The following MX1 variants were observed in gnomAD, a reference collection of about 807,000 sequenced individuals.
MX1 encodes MX dynamin like GTPase 1.
A neutral mutation model predicts 66.4 loss-of-function variants in MX1; 66 were observed. The ratio of observed to expected loss-of-function variants is 0.99; its 90% confidence interval spans 0.82 to 1.22. The LOEUF (loss-of-function observed/expected upper bound fraction) is 1.22, where lower values mean the gene tolerates loss of function less well. Among genes scored for constraint, MX1 ranks in the 50% most tolerant of loss-of-function variants. The probability of loss-of-function intolerance (pLI) is 0.00; values close to 1 mark genes in which losing one functional copy is unlikely to be tolerated. For synonymous variants in MX1, 311 were observed against 318.1 expected, an observed-to-expected ratio of 0.98 and a Z score of 0.24; for missense variants, 787 against 834.3, an observed-to-expected ratio of 0.94 and a Z score of 0.70.
intron 8 of MX1, 117 bp from the exon 9 acceptor site, chr21:41,440,770 T>G: frequency 1.6e-6 from 2 of 1,216,844 alleles, no homozygotes; most frequent in Middle Eastern, 2.3e-4. Context: ...GTTACTTCTT[T>G]TGGGGGAAAT....
In MX1 at chr21:41,458,722, G is replaced by A. The variant is rs1265036605; in HGVS notation, c.1953G>A (p.Thr651=). 6.2e-6 allele frequency: 10 copies of A among 1,613,652 alleles called. No homozygotes were observed. Among genetic ancestry groups the A allele is most frequent in the African/African-American group, 2.7e-5 (2 of 75,072 alleles). Residue 651 remains threonine (T), a synonymous_variant, in exon 17 of 17, where the codon ACG becomes ACA. Coordinates refer to ENST00000398598, the MANE Select transcript of MX1 (RefSeq NM_002462.5). Reference sequence around the variant, plus strand: ...TGAAGGAGCGGCTTGCACGGCTGACGCAGGCTCGGCGCCGGCTTGCCCAGT... The same window carrying A: ...TGAAGGAGCGGCTTGCACGGCTGACACAGGCTCGGCGCCGGCTTGCCCAGT... The part of the protein sequence containing the change: ...KFLKERLARL[T]QARRRLAQFP...
In MX1 at chr21:41,447,330, C is replaced by G. The variant is rs147475259; in HGVS notation, c.1273+1189C>G. Among the ~76,000 whole-genome samples the G allele has an allele frequency of 7.4e-3, 1,126 of 152,276 alleles. 18 individuals carry two copies. The highest frequency in any genetic ancestry group is 0.025 in the African/African-American group (1,025 of 41,558). On this transcript the variant is annotated intron_variant, in intron 13 of 16. Transcript: ENST00000398598. ...AATTTAATTACCTCTTTGCCTGTCT[C>G]CAAACACAGTCAGATTCTGAGTTTC...
intron 16 of MX1, among the ~76,000 whole-genome samples, chr21:41,455,691 A>G (rs1342106275): frequency 2.0e-5 from 3 of 152,066 alleles, no homozygotes; most frequent in African/African-American, 7.2e-5. Context: ...TACCTGGGAG[A>G]TTGTTCTGCC....
At chr21:41,433,763 G>A (rs2090287414) in intron 5 of MX1, among the ~76,000 whole-genome samples, 1 of 152,216 alleles carries the variant, frequency 6.6e-6, no homozygotes, top group African/African-American at 2.4e-5. Context: ...GGGAGTGTTT[G>A]TGTTCTTAAC....
chr21:41,437,279 A>C (rs468646), intron 7 of MX1, 127 bp downstream of exon 7: 407,862 of 969,452 alleles, frequency 0.42, 96,358 homozygotes, highest in Non-Finnish European at 0.49. Context: ...ACATCAGGCC[A>C]CGGTTCCTTC....
Position 41,451,247 on chromosome 21 carries a change from A to G in MX1, c.1509+4A>G. On this transcript the variant is annotated splice_donor_region_variant and intron_variant, in intron 15 of 16. Coordinates refer to ENST00000398598, the MANE Select transcript of MX1 (RefSeq NM_002462.5). The stretch of plus-strand genomic sequence containing the variant: ...TAACCTCCACAGAACCGCCAAGGTA[A>G]AACCAACCATGTGTTGTTTAAAAAA... The G allele has an allele frequency of 6.3e-7, 1 of 1,590,606 alleles. No individual in the cohort carries two copies. The highest frequency in any genetic ancestry group is 8.6e-7 in the Non-Finnish European group (1 of 1,161,188).
intron 11 of MX1, among the ~76,000 whole-genome samples, chr21:41,444,696 T>A (rs567267381): frequency 1.3e-4 from 20 of 152,202 alleles, no homozygotes; most frequent in African/African-American, 4.3e-4. Flanking sequence ...GCTTCCTTAT[T>A]AGATTCCCCA....
At chr21:41,451,525 A>G (rs1286386227) in intron 15 of MX1, among the ~76,000 whole-genome samples, 1 of 152,176 alleles carries the variant, frequency 6.6e-6, no homozygotes, top group Non-Finnish European at 1.5e-5. Context: ...TCACTGAGGA[A>G]ACTACATATA....
chr21:41,438,351 A>T (rs1186288371), intron 7 of MX1, among the ~76,000 whole-genome samples: 1 of 152,216 alleles, frequency 6.6e-6, no homozygotes, highest in African/African-American at 2.4e-5. Context: ...TGGCTTGACC[A>T]CTTTTATTTC....
At chr21:41,426,082 G>C (rs1350152472), upstream of MX1, 2 of 170,390 alleles carry the variant, frequency 1.2e-5, no homozygotes, top group African/African-American at 4.8e-5. Context: ...TCTCCCGCGA[G>C]TTCCCGCGAG....
chr21:41,440,799 G>T, intron 8 of MX1, 88 bp from the exon 9 acceptor site: 1 of 1,502,474 alleles, frequency 6.7e-7, no homozygotes, highest in Admixed American at 1.7e-5. Context: ...GACTCTTAGG[G>T]CCTAAAGCAA....
At position 41,438,788 on chromosome 21, in the gene MX1, A is replaced by G. The variant is rs191213541; in HGVS notation, c.437-906A>G. 9.2e-5 allele frequency among the ~76,000 whole-genome samples: 14 copies of G among 152,322 alleles called. No individual in the cohort carries two copies. The East Asian group carries it at 1.7e-3, about 19-fold the overall frequency. On this transcript the variant is annotated intron_variant, in intron 7 of 16. Transcript: ENST00000398598. ...TGTAGAGGCTTTCTGTCCCTCTCAT[A>G]TAAGTCTGAAGGCGGGCAGACCAGA...
intron 7 of MX1, among the ~76,000 whole-genome samples, chr21:41,438,198 G>C (rs1401111187): frequency 1.3e-5 from 2 of 152,250 alleles, no homozygotes; most frequent in Admixed American, 6.5e-5. Flanking sequence ...CACATTTGTT[G>C]ACTGTTTAAA....
intron 5 of MX1, among the ~76,000 whole-genome samples, chr21:41,434,001 G>A (rs2090293951): frequency 6.6e-6 from 1 of 152,142 alleles, no homozygotes; most frequent in South Asian, 2.1e-4. Context: ...CACAACTCAG[G>A]GTGAATAGTG....
chr21:41,442,659 A>T (rs2090553057), intron 10 of MX1: 2 of 152,278 alleles, frequency 1.3e-5, no homozygotes, highest in South Asian at 4.1e-4. Context: ...TCAAATGGAA[A>T]CTTACATCCT....
In MX1 at chr21:41,439,818, G is replaced by A. The variant is rs939627986; in HGVS notation, c.561G>A (p.Val187=). 2 of 1,613,854 alleles carry A rather than the reference G, an allele frequency of 1.2e-6. No homozygotes were observed. Among genetic ancestry groups the A allele is most frequent in the African/African-American group, 1.3e-5 (1 of 74,844 alleles). The change falls in exon 8 of 17, where the codon GTG becomes GTA. Residue 187 remains valine, a synonymous_variant. Coordinates refer to ENST00000398598, the MANE Select transcript of MX1 (RefSeq NM_002462.5). The part of the protein sequence containing the change: ...IDLPGITRVA[V]GNQPADIGYK... ...TTCCTGGCATAACCAGAGTGGCTGT[G>A]GGCAATCAGCCTGCTGACATTGGGT...
chr21:41,458,939 A>G lies in MX1; in HGVS notation c.*181A>G. 9.1e-7 allele frequency: 1 copy of G among 1,101,476 alleles called. No individual in the cohort carries two copies. The highest frequency in any genetic ancestry group is 2.6e-5 in the East Asian group (1 of 38,294). The allele number at this position is 1,101,476 out of a possible 1,614,324, so 68.2% of individuals were successfully genotyped here. On this transcript the variant is annotated 3_prime_UTR_variant, in exon 17 of 17. Transcript: ENST00000398598. ...GCAGTTTGGTTTCTAGCATGAAGAC[A>G]GAGCCCCACCCTCAGATGCACATGA...
chr21:41,430,219 C>A (rs2090175175), intron 3 of MX1, among the ~76,000 whole-genome samples: 1 of 151,924 alleles, frequency 6.6e-6, no homozygotes. Context: ...CCTGTCCCTT[C>A]AACCCTCATG....
chr21:41,440,225 A>T (rs532141976), intron 8 of MX1, among the ~76,000 whole-genome samples: 2 of 152,350 alleles, frequency 1.3e-5, no homozygotes, highest in East Asian at 3.9e-4. Context: ...TGGGCCACAC[A>T]CAGTGGCTCA....
Sources: allele counts gnomAD v4.1 joint callset (sites outside exome capture counted in the v4.1 genomes callset), GRCh38; gene constraint gnomAD v4.1.1; transcripts MANE v1.5; gene names NCBI Gene and HGNC (gene_info 2026-07-23, HGNC 2026-07-21).